PCDH7: variants seen among roughly 807,000 people sequenced by gnomAD.
The protein encoded by PCDH7 is protocadherin 7.
Under a neutral mutation model 58.9 loss-of-function variants are expected in PCDH7, and 17 were observed. That is an observed-to-expected ratio of 0.29 (90% CI 0.20 to 0.43). The LOEUF is 0.43. PCDH7 is among the 20% of genes least tolerant of loss of function. The pLI is 1.00. For synonymous variants in PCDH7, 664 were observed against 616.4 expected (o/e 1.08, Z -1.14); for missense variants, 1,274 against 1,441.0 (o/e 0.88, Z 1.88).
At chr4:30,794,035 C>G (rs951430607) in intron 1 of PCDH7, 1 of 152,260 alleles carries the variant, frequency 6.6e-6, no homozygotes, top group Admixed American at 6.5e-5. Context: ...AAAGAATTCT[C>G]TCATCTCTCC....
chr4:30,799,877 G>T (rs527691085), intron 1 of PCDH7, among the ~76,000 whole-genome samples: 7 of 147,984 alleles, frequency 4.7e-5, no homozygotes, highest in Admixed American at 3.4e-4. Context: ...TTTTGGACAC[G>T]GAGTCTCACT....
chr4:30,898,342 T>A (rs1739724858), intron 1 of PCDH7, among the ~76,000 whole-genome samples: 1 of 152,172 alleles, frequency 6.6e-6, no homozygotes, highest in Non-Finnish European at 1.5e-5. Flanking sequence ...TCTGTTAAAT[T>A]GCGGCAGGCA....
rs540793386 is a variant in PCDH7, at chr4:31,081,318, T to A, written c.*8-61155T>A. Among the ~76,000 whole-genome samples, 5 of 152,348 alleles carry A rather than the reference T, an allele frequency of 3.3e-5. No homozygotes were observed. In the East Asian group the frequency reaches 7.7e-4, roughly 24 times the overall value. ...TAAGGAAATAACATGCCAGTGAAAC[T>A]GTTAAGCATTTATTTCTAAAGTGGA... On this transcript the variant is annotated intron_variant, in intron 3 of 3. Transcript: ENST00000509759.
intron 1 of PCDH7, among the ~76,000 whole-genome samples, chr4:30,763,343 T>C (rs1560344294): frequency 6.6e-6 from 1 of 152,238 alleles, no homozygotes; most frequent in Admixed American, 6.5e-5. Flanking sequence ...CAGAAACATA[T>C]TGCTATAAAG....
At chr4:30,730,861 C>A in exon 2 of PCDH7, 1 of 1,505,762 alleles carries the variant, frequency 6.6e-7, no homozygotes, top group East Asian at 2.4e-5. Context: ...CTGCTGGAGC[C>A]TGCCCTTGGC....
chr4:30,992,950 C>G (rs1751582129), intron 3 of PCDH7, among the ~76,000 whole-genome samples: 1 of 151,980 alleles, frequency 6.6e-6, no homozygotes, highest in Admixed American at 6.6e-5. Flanking sequence ...AGGTGCCCAC[C>G]ACCATGCCTG....
intron 3 of PCDH7, among the ~76,000 whole-genome samples, chr4:31,093,416 C>T (rs1016667611): frequency 6.6e-6 from 1 of 152,108 alleles, no homozygotes; most frequent in African/African-American, 2.4e-5. Context: ...AAATGACTTA[C>T]AGCCTTCTTT....
chr4:31,145,461 AT>A (rs1354925952), downstream of PCDH7: 7 of 151,906 alleles, frequency 4.6e-5, no homozygotes, highest in Non-Finnish European at 7.4e-5. Flanking sequence ...TTGAAAAAAA[AT>A]CAATAAAAAG....
intron 1 of PCDH7, among the ~76,000 whole-genome samples, chr4:30,918,713 A>G (rs1178277176): frequency 6.6e-6 from 1 of 152,188 alleles, no homozygotes; most frequent in Non-Finnish European, 1.5e-5. Flanking sequence ...ACTTTGAATT[A>G]GAATAAAAAG....
At chr4:30,910,984 A>T (rs1741665040) in intron 1 of PCDH7, among the ~76,000 whole-genome samples, 2 of 152,208 alleles carry the variant, frequency 1.3e-5, no homozygotes, top group Admixed American at 1.3e-4. Flanking sequence ...AGCCATAAAA[A>T]AGAATGAGTT....
At chr4:31,016,823 G>A (rs1038167374) in intron 3 of PCDH7, among the ~76,000 whole-genome samples, 3 of 148,882 alleles carry the variant, frequency 2.0e-5, no homozygotes, top group South Asian at 2.1e-4. Context: ...GTGTGTGCTC[G>A]GTGTGTGTGT....
intron 3 of PCDH7, among the ~76,000 whole-genome samples, chr4:31,029,579 C>A (rs1484724821): frequency 1.3e-5 from 2 of 152,178 alleles, no homozygotes; most frequent in East Asian, 3.9e-4. Flanking sequence ...AGTCTTGGCT[C>A]ATAGCTCTAG....
intron 3 of PCDH7, among the ~76,000 whole-genome samples, chr4:31,075,866 T>G (rs1043734085): frequency 6.6e-6 from 1 of 152,208 alleles, no homozygotes; most frequent in African/African-American, 2.4e-5. Context: ...ATTTCTTCAG[T>G]GTATCTCCAT....
intron 1 of PCDH7, among the ~76,000 whole-genome samples, chr4:30,824,574 C>T (rs914003157): frequency 3.9e-5 from 6 of 151,952 alleles, no homozygotes; most frequent in African/African-American, 1.5e-4. Context: ...TATTGCCTTA[C>T]CTTGGCGCAG....
chr4:30,745,333 C>A (rs927116723), intron 1 of PCDH7, among the ~76,000 whole-genome samples: 14 of 149,790 alleles, frequency 9.3e-5, no homozygotes, highest in African/African-American at 3.4e-4. Flanking sequence ...TTTTCTTTTA[C>A]AATTTCTAAT....
chr4:31,011,296 A>G (rs1477108199), intron 3 of PCDH7, among the ~76,000 whole-genome samples: 4 of 152,036 alleles, frequency 2.6e-5, no homozygotes, highest in African/African-American at 4.8e-5. Context: ...AAGAAAGTAC[A>G]TCAAATTGCT....
chr4:31,128,057 A>G (rs1001864593), intron 3 of PCDH7, among the ~76,000 whole-genome samples: 38 of 151,128 alleles, frequency 2.5e-4, no homozygotes, highest in Admixed American at 1.2e-3. Context: ...ATATGCATAC[A>G]TATGTATATA....
intron 3 of PCDH7, among the ~76,000 whole-genome samples, chr4:31,020,153 T>G (rs1753913807): frequency 6.6e-6 from 1 of 152,198 alleles, no homozygotes; most frequent in Non-Finnish European, 1.5e-5. Context: ...TCATCTGTGT[T>G]TCCATTTCAA....
intron 1 of PCDH7, among the ~76,000 whole-genome samples, chr4:30,901,432 AT>A (rs1321904172): frequency 2.6e-5 from 4 of 152,118 alleles, no homozygotes; most frequent in African/African-American, 9.7e-5. Context: ...GCCAGAGTAG[AT>A]TTTTCAACCT....
Sources: gnomAD v4.1 joint callset for allele counts (sites outside exome capture counted in the v4.1 genomes callset) on GRCh38, gnomAD v4.1.1 for gene constraint, MANE v1.5 for transcripts, NCBI Gene and HGNC (gene_info 2026-07-23, HGNC 2026-07-21) for gene names.